The following OSBPL10 variants were observed in gnomAD, a reference collection of about 807,000 sequenced individuals.
OSBPL10 encodes oxysterol binding protein like 10.
A neutral mutation model predicts 81.7 loss-of-function variants in OSBPL10; 49 were observed. The observed-to-expected ratio is 0.60, with a 90% CI of 0.48 to 0.76. The LOEUF is 0.76. OSBPL10 is among the 30% of genes least tolerant of loss of function. The pLI is 0.00. For missense variants in OSBPL10, 923 were observed against 987.8 expected (o/e 0.93, Z 0.88); for synonymous variants, 419 against 383.6 (o/e 1.09, Z -1.08).
At chr3:31,877,894 G>GTGGCAATACTATCCAAAGGC (rs1196748770) in intron 2 of OSBPL10, among the ~76,000 whole-genome samples, 1 of 152,156 alleles carries the variant, frequency 6.6e-6, no homozygotes, top group Non-Finnish European at 1.5e-5. Context: ...TTGCCAGTTT[G>GTGGCAATACTATCCAAAGGC]TGGCAATACT....
At chr3:32,039,444 G>A (rs1299255278) in intron 2 of OSBPL10, among the ~76,000 whole-genome samples, 1 of 151,894 alleles carries the variant, frequency 6.6e-6, no homozygotes, top group Non-Finnish European at 1.5e-5. Context: ...ATAACAAGGA[G>A]GTCAGGAGTT....
intron 11 of OSBPL10, chr3:31,662,941 G>A (rs761116820): frequency 5.1e-6 from 5 of 985,316 alleles, no homozygotes; most frequent in Non-Finnish European, 6.0e-6. Flanking sequence ...GACCCATAAA[G>A]GCAAAGTCTT....
intron 2 of OSBPL10, among the ~76,000 whole-genome samples, chr3:32,015,789 T>C (rs1699307895): frequency 6.6e-6 from 1 of 152,148 alleles, no homozygotes; most frequent in African/African-American, 2.4e-5. Flanking sequence ...GGGCGAAGGA[T>C]ATGAACAGAC....
At chr3:31,796,009 T>A in intron 4 of OSBPL10, 1 of 200,710 alleles carries the variant, frequency 5.0e-6, no homozygotes, top group Non-Finnish European at 1.1e-5. Context: ...TCACACTGGG[T>A]AAAAGCCTTA....
intron 1 of OSBPL10, among the ~76,000 whole-genome samples, chr3:32,055,142 T>G (rs577748385): frequency 1.3e-5 from 2 of 150,926 alleles, no homozygotes; most frequent in African/African-American, 4.8e-5. Context: ...ACTTTGCTGA[T>G]CCTTTGTTTT....
intron 1 of OSBPL10, among the ~76,000 whole-genome samples, chr3:31,887,935 C>T (rs1440197468): frequency 3.3e-5 from 5 of 152,216 alleles, no homozygotes; most frequent in African/African-American, 1.2e-4. Flanking sequence ...TCCTCCCAAA[C>T]CACCAAGATG....
intron 2 of OSBPL10, among the ~76,000 whole-genome samples, chr3:32,014,508 T>C (rs1340507245): frequency 6.6e-6 from 1 of 152,070 alleles, no homozygotes; most frequent in East Asian, 1.9e-4. Flanking sequence ...GGGCAAAAAC[T>C]GGAAGCATTC....
At chr3:31,738,359 T>C (rs535752632) in intron 5 of OSBPL10, among the ~76,000 whole-genome samples, 38 of 150,060 alleles carry the variant, frequency 2.5e-4, no homozygotes, top group South Asian at 1.3e-3. Flanking sequence ...TTTCCAATCA[T>C]GGAAGCAGAA....
chr3:31,919,220 A>G (rs1424323886), intron 1 of OSBPL10, among the ~76,000 whole-genome samples: 1 of 152,190 alleles, frequency 6.6e-6, no homozygotes, highest in Non-Finnish European at 1.5e-5. Flanking sequence ...TGACCTTTAT[A>G]ATGCTTTAGT....
At chr3:31,860,356 C>T (rs6776254) in intron 3 of OSBPL10, among the ~76,000 whole-genome samples, 116,536 of 152,022 alleles carry the variant, frequency 0.77, 45,001 homozygotes, top group South Asian at 0.9. Context: ...AATTAAGCAT[C>T]TTGTTATTGG....
chr3:31,788,778 TA>T (rs747490467), intron 4 of OSBPL10, among the ~76,000 whole-genome samples: 32 of 150,428 alleles, frequency 2.1e-4, no homozygotes, highest in African/African-American at 2.0e-4. Context: ...ACCTTGCCTC[TA>T]AAAAAAAATA....
rs759070037 is a variant in OSBPL10 at position 31,674,001 on chromosome 3, TC to T, written c.1727-3019del. ...GGTCTCCCTGTGTTGCCCAAGCTGG[TC>T]TTAAAACTCTTGGGCTCAAGTGATC... On this transcript the variant is annotated intron_variant, in intron 8 of 11. Transcript: ENST00000396556. Among the ~76,000 whole-genome samples, 21 of 152,154 alleles carry T rather than the reference TC, an allele frequency of 1.4e-4. 1 individual carries two copies. The East Asian group carries it at 3.7e-3, about 27-fold the overall frequency.
intron 1 of OSBPL10, among the ~76,000 whole-genome samples, chr3:31,966,407 CTATA>C (rs1385007168): frequency 1.3e-5 from 2 of 150,844 alleles, no homozygotes; most frequent in African/African-American, 2.4e-5. Context: ...AACTAAAAAA[CTATA>C]TATAAAGTGA....
intron 4 of OSBPL10, among the ~76,000 whole-genome samples, chr3:31,826,958 TCTTA>T (rs768939936): frequency 3.9e-5 from 6 of 152,238 alleles, no homozygotes; most frequent in Admixed American, 1.3e-4. Flanking sequence ...ATGTCAACAA[TCTTA>T]CTTAAATTTT....
rs199908017 is a variant in OSBPL10 at position 32,018,148 on chromosome 3, CAATAAATAAATAAATA to C, written n.298+28327_298+28342del. Among the ~76,000 whole-genome samples, 307 of 141,976 alleles carry C rather than the reference CAATAAATAAATAAATA, an allele frequency of 2.2e-3. 2 individuals carry two copies. Among genetic ancestry groups the C allele is most frequent in the African/African-American group, 6.8e-3 (261 of 38,314 alleles). The allele number at this position is 141,976 out of a possible 152,430, so 93.1% of individuals were successfully genotyped here. A position where few individuals can be genotyped will look rare whatever the true frequency, so the allele number is the denominator to read the frequency against. On this transcript the variant is annotated intron_variant and non_coding_transcript_variant, in intron 2 of 3. Coordinates refer to the OSBPL10 transcript ENST00000479173. ...GGGCAACAAGAGTAAAACTCCATCT[CAATAAATAAATAAATA>C]AATAAATAAATAAATAAATAAATAA...
chr3:32,028,423 GA>G (rs1699436255), intron 2 of OSBPL10, among the ~76,000 whole-genome samples: 1 of 152,092 alleles, frequency 6.6e-6, no homozygotes, highest in South Asian at 2.1e-4. Context: ...TTAAACCAAA[GA>G]CCAGAAGTCA....
At chr3:31,889,877 G>A (rs933344229) in intron 1 of OSBPL10, among the ~76,000 whole-genome samples, 1 of 151,656 alleles carries the variant, frequency 6.6e-6, no homozygotes, top group Admixed American at 6.5e-5. Flanking sequence ...ATCATGGTAT[G>A]TTGTATGTCT....
At chr3:32,041,928 A>G (rs1699580043) in intron 2 of OSBPL10, among the ~76,000 whole-genome samples, 1 of 152,112 alleles carries the variant, frequency 6.6e-6, no homozygotes, top group Non-Finnish European at 1.5e-5. Flanking sequence ...CCAAAGTGCT[A>G]AGATTACTGG....
At chr3:31,913,414 A>G (rs1371443199) in intron 1 of OSBPL10, among the ~76,000 whole-genome samples, 8 of 151,852 alleles carry the variant, frequency 5.3e-5, no homozygotes, top group Admixed American at 1.3e-4. Flanking sequence ...ACACCTGGCT[A>G]ATTTTTTGTA....
Sources: gnomAD v4.1 joint callset for allele counts (sites outside exome capture counted in the v4.1 genomes callset) on GRCh38, gnomAD v4.1.1 for gene constraint, MANE v1.5 for transcripts, NCBI Gene and HGNC (gene_info 2026-07-23, HGNC 2026-07-21) for gene names.